SEMA4D: variants seen among roughly 807,000 people sequenced by gnomAD.
The protein encoded by SEMA4D is semaphorin-4D.
SEMA4D carries 22 observed loss-of-function variants against 74.8 expected under a neutral mutation model. The ratio of observed to expected loss-of-function variants is 0.29; its 90% confidence interval spans 0.21 to 0.42. The LOEUF is 0.42. SEMA4D is among the 10% of genes least tolerant of loss of function. SEMA4D has a pLI of 1.00. For missense variants in SEMA4D, 937 were observed against 1,118.4 expected, an observed-to-expected ratio of 0.84 and a Z score of 2.31; for synonymous variants, 445 against 463.7, an observed-to-expected ratio of 0.96 and a Z score of 0.52.
At chr9:89,469,274 T>C (rs527884693) in intron 1 of SEMA4D, among the ~76,000 whole-genome samples, 75 of 152,136 alleles carry the variant, frequency 4.9e-4, no homozygotes, top group African/African-American at 1.4e-3. Context: ...AGGAAAGAAA[T>C]AGAATATGTA....
intron 2 of SEMA4D, among the ~76,000 whole-genome samples, chr9:89,423,914 C>A (rs577618982): frequency 2.7e-5 from 4 of 149,988 alleles, no homozygotes; most frequent in Middle Eastern, 3.4e-3. Context: ...CTCCACTACT[C>A]CCTCAGTACC....
intron 2 of SEMA4D, chr9:89,450,134 G>T: frequency 7.9e-7 from 1 of 1,261,518 alleles, no homozygotes; most frequent in Middle Eastern, 2.7e-4. Flanking sequence ...AGCTGAAGCA[G>T]CATGTCATCG....
intron 2 of SEMA4D, among the ~76,000 whole-genome samples, chr9:89,420,495 T>C (rs1168959734): frequency 6.6e-6 from 1 of 152,250 alleles, no homozygotes; most frequent in Admixed American, 6.5e-5. Context: ...CATCCTCTCC[T>C]GGTGCACCCC....
intron 2 of SEMA4D, among the ~76,000 whole-genome samples, chr9:89,431,015 A>G (rs1243998802): frequency 6.6e-6 from 1 of 152,218 alleles, no homozygotes; most frequent in Non-Finnish European, 1.5e-5. Context: ...CACCCATCAG[A>G]AACAGGTTAA....
chr9:89,435,310 G>T (rs1273231386), intron 2 of SEMA4D, among the ~76,000 whole-genome samples: 1 of 152,230 alleles, frequency 6.6e-6, no homozygotes, highest in Non-Finnish European at 1.5e-5. Flanking sequence ...TTGACTTGAT[G>T]AGCCATTCAG....
intron 2 of SEMA4D, among the ~76,000 whole-genome samples, chr9:89,414,413 C>G (rs374780730): frequency 1.3e-5 from 2 of 152,160 alleles, no homozygotes; most frequent in Non-Finnish European, 2.9e-5. Context: ...GTGGAGGACA[C>G]GCACTCACCA....
chr9:89,454,679 G>A (rs373939494), intron 2 of SEMA4D, among the ~76,000 whole-genome samples: 7 of 152,240 alleles, frequency 4.6e-5, no homozygotes, highest in African/African-American at 1.7e-4. Context: ...CGCAGTGGGT[G>A]TCCCACGGTG....
At chr9:89,391,591 C>T (rs1012930270) in intron 8 of SEMA4D, among the ~76,000 whole-genome samples, 176 bp from the exon 9 acceptor site, 4 of 152,178 alleles carry the variant, frequency 2.6e-5, no homozygotes, top group African/African-American at 9.7e-5. Flanking sequence ...AGGATGATGA[C>T]AGCCCTGAGC....
In SEMA4D at chr9:89,385,386, G is replaced by A. The variant is rs186347884; in HGVS notation, c.1446+981C>T. ...GCCACTGAACAGCACGATGGCCCCA[G>A]AAGAGCTTCTGGGTCCCCTTCTTTC... On this transcript the variant is annotated intron_variant, in intron 13 of 15. Coordinates refer to ENST00000422704, the MANE Select transcript of SEMA4D (RefSeq NM_001371194.2). The A allele has an allele frequency of 6.1e-6, 6 of 985,440 alleles. No homozygotes were observed. The East Asian group carries it at 4.5e-4, about 75-fold the overall frequency. The allele number at this position is 985,440 out of a possible 1,614,324, so 61.0% of individuals were successfully genotyped here.
chr9:89,413,090 G>C (rs1186520493), intron 2 of SEMA4D, among the ~76,000 whole-genome samples: 1 of 152,240 alleles, frequency 6.6e-6, no homozygotes. Context: ...GAGCTGAGCT[G>C]TATGCATGTG....
intron 2 of SEMA4D, among the ~76,000 whole-genome samples, chr9:89,453,396 G>A (rs1415043247): frequency 6.6e-6 from 1 of 152,254 alleles, no homozygotes; most frequent in Non-Finnish European, 1.5e-5. Context: ...ACACAGCATT[G>A]TATCCTGTGG....
At chr9:89,476,682 C>T (rs1424205460) in intron 1 of SEMA4D, among the ~76,000 whole-genome samples, 5 of 152,192 alleles carry the variant, frequency 3.3e-5, no homozygotes, top group Non-Finnish European at 7.3e-5. Context: ...TGTCTACACA[C>T]GCATACACAT....
intron 1 of SEMA4D, among the ~76,000 whole-genome samples, chr9:89,491,208 C>G (rs1825598867): frequency 1.3e-5 from 2 of 152,216 alleles, no homozygotes; most frequent in African/African-American, 4.8e-5. Context: ...ATGGGCCTGT[C>G]CCACCCACTC....
intron 1 of SEMA4D, among the ~76,000 whole-genome samples, chr9:89,486,070 C>T (rs1045258084): frequency 5.3e-5 from 8 of 152,182 alleles, no homozygotes; most frequent in African/African-American, 1.2e-4. Context: ...TCACCATGAA[C>T]GTCATCTAGC....
At chr9:89,412,347 T>C (rs1268760771) in intron 2 of SEMA4D, among the ~76,000 whole-genome samples, 1 of 152,168 alleles carries the variant, frequency 6.6e-6, no homozygotes, top group Admixed American at 6.5e-5. Context: ...CAAACGAATG[T>C]GGCTGAGAGA....
intron 11 of SEMA4D, 137 bp downstream of exon 11, chr9:89,388,499 G>A (rs981001073): frequency 2.7e-5 from 27 of 1,004,386 alleles, no homozygotes; most frequent in African/African-American, 1.1e-4. Flanking sequence ...TGTGCTCATC[G>A]GCCGTCCCTG....
intron 16 of SEMA4D, among the ~76,000 whole-genome samples, chr9:89,371,948 G>GTC (rs1835001015): frequency 3.3e-5 from 4 of 119,406 alleles, no homozygotes; most frequent in Non-Finnish European, 5.3e-5. Flanking sequence ...TGTGGTGTGT[G>GTC]TGGGGTGTGG....
intron 1 of SEMA4D, among the ~76,000 whole-genome samples, chr9:89,480,540 C>T (rs181971837): frequency 1.3e-5 from 2 of 152,360 alleles, no homozygotes; most frequent in African/African-American, 4.8e-5. Flanking sequence ...GCATGGCGGG[C>T]TGCAGGTCCC....
intron 1 of SEMA4D, among the ~76,000 whole-genome samples, chr9:89,458,004 G>A (rs1856343822): frequency 6.6e-6 from 1 of 152,220 alleles, no homozygotes; most frequent in Non-Finnish European, 1.5e-5. Context: ...CTGCACTCCA[G>A]CCTGGTCGAT....
Sources: allele counts gnomAD v4.1 joint callset (sites outside exome capture counted in the v4.1 genomes callset), GRCh38; gene constraint gnomAD v4.1.1; transcripts MANE v1.5; gene names NCBI Gene and HGNC (gene_info 2026-07-23, HGNC 2026-07-21).